Variants in PRAM1 observed in about 807,000 individuals in gnomAD.
PRAM1 encodes the protein PML-RARA-regulated adapter molecule 1.
PRAM1 carries 41 observed loss-of-function variants against 55.3 expected under a neutral mutation model. The ratio of observed to expected loss-of-function variants is 0.74; its 90% CI spans 0.58 to 0.96. The LOEUF (loss-of-function observed/expected upper bound fraction) is 0.96, where lower values mean the gene tolerates loss of function less well. Among genes scored for constraint, PRAM1 ranks in the 40% least tolerant of loss-of-function variants. The pLI is 0.00. For missense variants in PRAM1, 898 were observed against 892.7 expected (o/e 1.01, Z -0.08); for synonymous variants, 401 against 387.1 (o/e 1.04, Z -0.42).
rs370487546 is a variant in PRAM1, at chr19:8,497,853, C to G, written c.1500-13G>C. The stretch of plus-strand genomic sequence containing the variant: ...CTCATCTGGGACCCTGCGGGGATAC[C>G]TGAGATGAGGCCTCTTCTTTTTTTT... On this transcript the variant is annotated splice_polypyrimidine_tract_variant and intron_variant, in intron 3 of 9. Transcript: ENST00000423345. 176 of 1,333,482 alleles carry G rather than the reference C, an allele frequency of 1.3e-4. No homozygotes were observed. In the East Asian group the frequency reaches 3.3e-3, roughly 25 times the overall value. The allele number at this position is 1,333,482 out of a possible 1,614,324, so 82.6% of individuals were successfully genotyped here. A position where few individuals can be genotyped will look rare whatever the true frequency, so the allele number is the denominator to read the frequency against.
rs375200346 is a variant in PRAM1, at chr19:8,490,742, G to A, written c.1758C>T (p.Ile586=). Residue 586 remains isoleucine, a synonymous_variant, in exon 7 of 10, where the codon ATC becomes ATT. Transcript: ENST00000423345. The surrounding 1 kb of genome is among the most constrained non-coding windows in gnomAD (Gnocchi z 7.3). ...CGATCATCATCTTCGTGTGAACCACGATCTCCCCTTCAAACTGGGGCGCGA... is the reference window on the plus strand; with the variant it reads ...CGATCATCATCTTCGTGTGAACCACAATCTCCCCTTCAAACTGGGGCGCGA... ...FRKKFKFEGE[I]VVHTKMMIDP... is the part of the protein sequence containing the mutation. 4.3e-6 allele frequency: 7 copies of A among 1,609,934 alleles called. No homozygotes were observed. The highest frequency in any genetic ancestry group is 4.0e-5 in the African/African-American group (3 of 74,890).
At chr19:8,502,422 C>T (rs1011716313) in intron 1 of PRAM1, 143 bp downstream of exon 1, 42 of 1,051,264 alleles carry the variant, frequency 4.0e-5, no homozygotes, top group Middle Eastern at 3.0e-4. Flanking sequence ...TCCTTTTTGC[C>T]GACCCTTCCC....
Position 8,490,177 on chromosome 19 carries a change from C to G in PRAM1, c.*12G>C. On this transcript the variant is annotated 3_prime_UTR_variant, in exon 10 of 10. Transcript: ENST00000423345. This position sits in a 1 kb window ranked among gnomAD's most constrained non-coding sequence, Gnocchi z 7.3. ...GGGCTGGCTGGCTGTCCTGGCCCCA[C>G]GCCTACCGGTCTTACCGTCCCAGGG... The G allele has an allele frequency of 6.4e-7, 1 of 1,560,920 alleles. No homozygotes were observed. Among genetic ancestry groups the G allele is most frequent in the Non-Finnish European group, 8.7e-7 (1 of 1,151,846 alleles).
Position 8,499,463 on chromosome 19 carries a change from G to A in PRAM1, c.345C>T (p.Leu115=), listed in dbSNP as rs752489110. Residue 115 remains leucine (L), a synonymous_variant, in exon 2 of 10, where the codon CTC becomes CTT. Coordinates refer to ENST00000423345, the MANE Select transcript of PRAM1 (RefSeq NM_032152.5). ...ACTCCAGTTTGGACGGCTTCTTGGG[G>A]AGGTCAGTGACCTCAGGCGGCGGGG... ...KKPPPPEVTD[L]PKKPSKLELS... The A allele has an allele frequency of 1.2e-5, 20 of 1,611,482 alleles. 2 individuals carry two copies. In the South Asian group the frequency reaches 2.2e-4, roughly 18 times the overall value.
chr19:8,490,443 C>T lies in PRAM1; in HGVS notation c.1940+33G>A, dbSNP rs772417280. On this transcript the variant is annotated intron_variant, in intron 8 of 9. Coordinates refer to ENST00000423345, the MANE Select transcript of PRAM1 (RefSeq NM_032152.5). This position sits in a 1 kb window ranked among gnomAD's most constrained non-coding sequence, Gnocchi z 7.3. ...CCCCCACCCTGCACCACACACCCCG[C>T]ACTCCCCCACCACGGTCAGGGCTGG... The T allele has an allele frequency of 4.3e-6, 7 of 1,613,338 alleles. No homozygotes were observed. In the Admixed American group the frequency reaches 1.2e-4, roughly 27 times the overall value.
chr19:8,496,965 G>A (rs1315363928), intron 4 of PRAM1, among the ~76,000 whole-genome samples: 2 of 152,112 alleles, frequency 1.3e-5, no homozygotes, highest in Non-Finnish European at 2.9e-5. Context: ...GGCGGAGCTT[G>A]CAGTGAGCTG....
In PRAM1 at chr19:8,490,833, G is replaced by C; in HGVS notation, c.1743+54C>G. On this transcript the variant is annotated intron_variant, in intron 6 of 9. Coordinates refer to ENST00000423345, the MANE Select transcript of PRAM1 (RefSeq NM_032152.5). The surrounding 1 kb of genome is among the most constrained non-coding windows in gnomAD (Gnocchi z 7.3). ...TGTCTTCTTTCTGAGCCTGGGATCG[G>C]TGGGACCCTGGTCTCCGCCCTGCCA... is the stretch of plus-strand genomic sequence containing the variant. The C allele has an allele frequency of 2.5e-6, 4 of 1,608,976 alleles. No homozygotes were observed. The highest frequency in any genetic ancestry group is 4.5e-5 in the East Asian group (2 of 44,846).
intron 3 of PRAM1, 100 bp downstream of exon 3, chr19:8,498,123 G>A (rs1411384843): frequency 1.5e-5 from 19 of 1,265,776 alleles, no homozygotes; most frequent in Non-Finnish European, 1.9e-5. Flanking sequence ...CAGGAGATCC[G>A]CCCACTTCAG....
Position 8,499,272 on chromosome 19 carries a change from G to T in PRAM1, c.536C>A (p.Pro179His). 6.2e-7 allele frequency: 1 copy of T among 1,609,890 alleles called. No homozygotes were observed. Among genetic ancestry groups the T allele is most frequent in the Non-Finnish European group, 8.5e-7 (1 of 1,177,732 alleles). Residue 179 changes from proline to histidine, a missense_variant, in exon 2 of 10, where the codon CCC becomes CAC. Physicochemically the swap from Pro to His is moderately conservative, Grantham distance 77. Transcript: ENST00000423345. Reference protein sequence around the residue: ...QPDELSHPARPPSEPKSGAFP... With the variant: ...QPDELSHPARHPSEPKSGAFP... ...TGCGCCGGATTTGGGTTCGGAGGGG[G>T]GTCTGGCGGGGTGACTGAGTTCGTC...
intron 1 of PRAM1, among the ~76,000 whole-genome samples, chr19:8,500,404 C>T (rs796537592): frequency 6.6e-6 from 1 of 152,268 alleles, no homozygotes; most frequent in African/African-American, 2.4e-5. Flanking sequence ...CTGGATTACT[C>T]TAACAAGCCC....
rs1971754969 is a variant in PRAM1, at chr19:8,499,049, G to A, written c.759C>T (p.Pro253=). 6.2e-7 allele frequency: 1 copy of A among 1,613,640 alleles called. No homozygotes were observed. The highest frequency in any genetic ancestry group is 8.5e-7 in the Non-Finnish European group (1 of 1,179,826). Residue 253 remains proline, a synonymous_variant, in exon 2 of 10, where the codon CCC becomes CCT. Transcript: ENST00000423345. The part of the protein sequence containing the change: ...QPEFSEAAQT[P]LWKPQSSEPK... ...GCTCGCTGGACTGAGGCTTCCAGAG[G>A]GGAGTCTGAGCGGCCTCGCTGAACT...
chr19:8,496,241 C>A, intron 4 of PRAM1: 1 of 363,766 alleles, frequency 2.7e-6, no homozygotes, highest in Non-Finnish European at 5.6e-6. Context: ...TAGTGAAACC[C>A]CAGCTCTACT....
rs762500923 is a variant in PRAM1, at chr19:8,490,613, G to A, written c.1887C>T (p.Cys629=). The change falls in exon 7 of 10, where the codon TGC becomes TGT. Residue 629 remains cysteine (C), a synonymous_variant. Coordinates refer to ENST00000423345, the MANE Select transcript of PRAM1 (RefSeq NM_032152.5). The surrounding 1 kb of genome is among the most constrained non-coding windows in gnomAD (Gnocchi z 7.3). ...ACTCACATTTGCCTTTGGGGTCCCGGCACAGCATCTCCTCATTGCTGGTGA... is the reference window on the plus strand; with the variant it reads ...ACTCACATTTGCCTTTGGGGTCCCGACACAGCATCTCCTCATTGCTGGTGA... ...IEFTSNEEML[C]RDPKGKYGYV... The A allele has an allele frequency of 6.3e-7, 1 of 1,584,110 alleles. No homozygotes were observed.
chr19:8,492,244 T>TTG (rs1555713634), intron 4 of PRAM1, among the ~76,000 whole-genome samples: 5 of 141,322 alleles, frequency 3.5e-5, no homozygotes, highest in African/African-American at 1.4e-4. Flanking sequence ...CGTTTTTTTT[T>TTG]TTGTTTCTTT....
At chr19:8,497,892 T>C (rs1314019941) in intron 3 of PRAM1, 52 bp from the exon 4 acceptor site, 2 of 1,324,526 alleles carry the variant, frequency 1.5e-6, no homozygotes, top group South Asian at 1.4e-5. Flanking sequence ...TTTTTTTTTT[T>C]TTTGAGACGG....
Position 8,498,430 on chromosome 19 carries a change from G to A in PRAM1, c.1378C>T (p.Pro460Ser). The change falls in exon 2 of 10, where the codon CCC becomes TCC. Residue 460 changes from proline to serine, a missense_variant. This residue lies in a region of PRAM1 where 787 missense variants were observed against 735.4 expected (regional missense o/e 1.07). Transcript: ENST00000423345. ...LGHPPAKPPL[P>S]PGPVDMQSFR... ...CTCTGCATATCCACGGGCCCCGGGG[G>A]CAGCGGGGGCTTGGCTGGAGGGTGT... 1 of 1,578,820 alleles carries A rather than the reference G, an allele frequency of 6.3e-7. No homozygotes were observed. Among genetic ancestry groups the A allele is most frequent in the Non-Finnish European group, 8.6e-7 (1 of 1,161,594 alleles).
chr19:8,490,539 G>A lies in PRAM1; in HGVS notation c.1907-30C>T, dbSNP rs937062538. 3 of 1,606,050 alleles carry A rather than the reference G, an allele frequency of 1.9e-6. No individual in the cohort carries two copies. In the African/African-American group the frequency reaches 4.0e-5, roughly 21 times the overall value. Reference sequence around the variant, plus strand: ...GGAGAGAGTGGGCATGGTGGGTTCTGAGGCCCAGGGTGGCGGCGGGGACCT... The same window carrying A: ...GGAGAGAGTGGGCATGGTGGGTTCTAAGGCCCAGGGTGGCGGCGGGGACCT... On this transcript the variant is annotated intron_variant, in intron 7 of 9. Coordinates refer to ENST00000423345, the MANE Select transcript of PRAM1 (RefSeq NM_032152.5). The surrounding 1 kb of genome is among the most constrained non-coding windows in gnomAD (Gnocchi z 7.3).
chr19:8,491,795 C>T (rs1971633714), intron 4 of PRAM1: 1 of 154,520 alleles, frequency 6.5e-6, no homozygotes, highest in Middle Eastern at 3.4e-3. Flanking sequence ...CCCAACTTGT[C>T]CACAAGGAAA....
Position 8,499,087 on chromosome 19 carries a change from C to G in PRAM1, c.721G>C (p.Val241Leu), listed in dbSNP as rs201168055. Residue 241 changes from valine (V) to leucine (L), a missense_variant, in exon 2 of 10, where the codon GTG becomes CTG. Coordinates refer to ENST00000423345, the MANE Select transcript of PRAM1 (RefSeq NM_032152.5). The part of the protein sequence containing the change: ...PQVGGLPKKS[V>L]PQPEFSEAAQ... ...GCCTCGCTGAACTCAGGCTGCGGCACGGACTTCTTAGGGAGGCCACCGACC... is the reference window on the plus strand; with the variant it reads ...GCCTCGCTGAACTCAGGCTGCGGCAGGGACTTCTTAGGGAGGCCACCGACC... 1 of 1,612,898 alleles carries G rather than the reference C, an allele frequency of 6.2e-7. No homozygotes were observed. The highest frequency in any genetic ancestry group is 1.7e-5 in the Admixed American group (1 of 59,928).
Sources: gnomAD v4.1 joint callset for allele counts (sites outside exome capture counted in the v4.1 genomes callset) on GRCh38, gnomAD v4.1.1 for gene constraint, gnomAD v4.1.1 regional missense constraint, Gnocchi (gnomAD v3.1) non-coding constraint, MANE v1.5 for transcripts, NCBI Gene and HGNC (gene_info 2026-07-23, HGNC 2026-07-21) for gene names.